MYRIP: variants seen among roughly 807,000 people sequenced by gnomAD.
MYRIP encodes the protein rab effector MyRIP.
A neutral mutation model predicts 98.0 loss-of-function variants in MYRIP; 49 were observed. The observed-to-expected ratio is 0.50, with a 90% CI of 0.40 to 0.63. The LOEUF (loss-of-function observed/expected upper bound fraction) is 0.63, where lower values mean the gene tolerates loss of function less well. Ranked by LOEUF, MYRIP falls within the 30% of genes least tolerant of loss-of-function variation. The pLI, the probability that MYRIP is intolerant of heterozygous loss-of-function variation, is 0.00. For missense variants in MYRIP, 1,004 were observed against 1,058.2 expected (o/e 0.95, Z 0.71); for synonymous variants, 404 against 409.5 (o/e 0.99, Z 0.16).
intron 2 of MYRIP, among the ~76,000 whole-genome samples, chr3:39,914,580 A>G (rs546764310): frequency 6.6e-6 from 1 of 152,206 alleles, no homozygotes; most frequent in South Asian, 2.1e-4. Flanking sequence ...ATTAACTTCT[A>G]ATATCAGTGA....
chr3:39,915,229 C>T lies in MYRIP; in HGVS notation c.110+14303C>T, dbSNP rs372898827. On this transcript the variant is annotated intron_variant, in intron 2 of 16. Coordinates refer to ENST00000302541, the MANE Select transcript of MYRIP (RefSeq NM_015460.4). The stretch of plus-strand genomic sequence containing the variant: ...ATCCATTATACTTATTATCCCCAGT[C>T]ATCTGGTTAGTAAAAAACACAAACT... Among the ~76,000 whole-genome samples the T allele has an allele frequency of 5.3e-5, 8 of 152,016 alleles. No individual in the cohort carries two copies. In the South Asian group the frequency reaches 1.2e-3, roughly 24 times the overall value.
chr3:40,165,562 C>T (rs1878914), intron 5 of MYRIP, among the ~76,000 whole-genome samples: 16,616 of 152,062 alleles, frequency 0.11, 2,074 homozygotes, highest in African/African-American at 0.3. Flanking sequence ...CTAGCCCTTG[C>T]TGACCTACAT....
At chr3:39,881,229 C>A (rs1416012602) in intron 1 of MYRIP, among the ~76,000 whole-genome samples, 1 of 133,686 alleles carries the variant, frequency 7.5e-6, no homozygotes, top group East Asian at 2.1e-4. Context: ...CTTCTGTTAT[C>A]CTGTTTGTTA....
intron 3 of MYRIP, among the ~76,000 whole-genome samples, chr3:40,117,321 A>G (rs753848244): frequency 1.3e-5 from 2 of 152,218 alleles, no homozygotes; most frequent in African/African-American, 2.4e-5. Flanking sequence ...GTGTGATTTC[A>G]TCAAAGCCAT....
chr3:40,084,113 G>A (rs1417936236), intron 3 of MYRIP, among the ~76,000 whole-genome samples: 19 of 117,780 alleles, frequency 1.6e-4, no homozygotes, highest in Admixed American at 9.9e-4. Context: ...CTCCAACCTG[G>A]GCAACAGATC....
chr3:39,869,035 A>G (rs1942707383), intron 1 of MYRIP, among the ~76,000 whole-genome samples: 1 of 152,190 alleles, frequency 6.6e-6, no homozygotes, highest in Non-Finnish European at 1.5e-5. Flanking sequence ...GTGCCTAGGC[A>G]TGGATCTTTT....
rs923134694 is a variant in MYRIP, at chr3:39,979,837, T to C, written c.111-64213T>C. On this transcript the variant is annotated intron_variant, in intron 2 of 16. Coordinates refer to ENST00000302541, the MANE Select transcript of MYRIP (RefSeq NM_015460.4). ...TAAACACAGCCATCACATAAATACTTTGTCACCTTTACACAGCACCAACAT... is the reference window on the plus strand; with the variant it reads ...TAAACACAGCCATCACATAAATACTCTGTCACCTTTACACAGCACCAACAT... Among the ~76,000 whole-genome samples the C allele has an allele frequency of 1.4e-4, 21 of 152,274 alleles. 1 individual carries two copies. The highest frequency in any genetic ancestry group is 1.2e-3 in the Admixed American group (18 of 15,288).
intron 3 of MYRIP, among the ~76,000 whole-genome samples, chr3:40,096,425 A>G (rs1386226840): frequency 1.3e-5 from 2 of 152,228 alleles, no homozygotes; most frequent in Admixed American, 6.5e-5. Flanking sequence ...CTGTGAGGAT[A>G]AAGTCAAATT....
chr3:40,221,570 G>T (rs1271080092), intron 11 of MYRIP, among the ~76,000 whole-genome samples: 1 of 152,190 alleles, frequency 6.6e-6, no homozygotes, highest in Non-Finnish European at 1.5e-5. Context: ...AATGGAGGTT[G>T]CAGTGAGCTG....
At chr3:39,870,816 G>A (rs914200086) in intron 1 of MYRIP, among the ~76,000 whole-genome samples, 2 of 152,238 alleles carry the variant, frequency 1.3e-5, no homozygotes, top group African/African-American at 4.8e-5. Context: ...TTGTGCAAAG[G>A]GAAATGTGAT....
At chr3:39,947,979 A>C (rs2125715327) in intron 2 of MYRIP, among the ~76,000 whole-genome samples, 1 of 152,272 alleles carries the variant, frequency 6.6e-6, no homozygotes. Flanking sequence ...ACTGGCCTGG[A>C]CAGCAAGACT....
At chr3:40,155,105 A>G (rs912052488) in intron 4 of MYRIP, among the ~76,000 whole-genome samples, 2 of 151,318 alleles carry the variant, frequency 1.3e-5, no homozygotes, top group African/African-American at 4.9e-5. Context: ...CTCGTCATCT[A>G]GCATTAGGTA....
At chr3:40,175,812 A>G (rs1408433500) in intron 8 of MYRIP, among the ~76,000 whole-genome samples, 1 of 152,236 alleles carries the variant, frequency 6.6e-6, no homozygotes, top group Non-Finnish European at 1.5e-5. Context: ...ACTTAAGTCC[A>G]ATAGTTAATT....
intron 2 of MYRIP, among the ~76,000 whole-genome samples, chr3:40,010,309 G>A (rs1946733478): frequency 6.6e-6 from 1 of 152,242 alleles, no homozygotes; most frequent in African/African-American, 2.4e-5. Flanking sequence ...GCTGGCCTCT[G>A]AGAGTGGCAG....
chr3:39,943,084 T>C (rs1181115534), intron 2 of MYRIP, among the ~76,000 whole-genome samples: 2 of 152,164 alleles, frequency 1.3e-5, no homozygotes, highest in African/African-American at 4.8e-5. Context: ...TTGTGTTCTC[T>C]AGACTCATCT....
intron 2 of MYRIP, among the ~76,000 whole-genome samples, chr3:40,025,331 T>C (rs1018922829): frequency 6.6e-6 from 1 of 152,196 alleles, no homozygotes; most frequent in African/African-American, 2.4e-5. Context: ...AAATCTGTGG[T>C]ATCAAGGGCT....
chr3:40,190,469 G>A lies in MYRIP; in HGVS notation c.1665+6G>A, dbSNP rs1361969058. ...GGGATCTAGACACACATCAGGTAAT[G>A]GAAGTGCATGCGTGCAAATGCACAC... is the stretch of plus-strand genomic sequence containing the variant. On this transcript the variant is annotated splice_donor_region_variant and intron_variant, in intron 10 of 16. Transcript: ENST00000302541. 1.9e-6 allele frequency: 3 copies of A among 1,571,714 alleles called. No homozygotes were observed. Among genetic ancestry groups the A allele is most frequent in the Admixed American group, 1.8e-5 (1 of 54,904 alleles).
chr3:39,898,375 G>T (rs1943665291), intron 1 of MYRIP, among the ~76,000 whole-genome samples: 1 of 152,154 alleles, frequency 6.6e-6, no homozygotes, highest in Non-Finnish European at 1.5e-5. Context: ...TCTAGCAAAA[G>T]ATTTCTGGGG....
chr3:39,919,693 G>GTGTGT (rs796639053), intron 2 of MYRIP, among the ~76,000 whole-genome samples: 141 of 143,354 alleles, frequency 9.8e-4, no homozygotes, highest in African/African-American at 3.5e-3. Context: ...GGGTATGTGT[G>GTGTGT]GTGTGTGTGT....
Sources: allele counts gnomAD v4.1 joint callset (sites outside exome capture counted in the v4.1 genomes callset), GRCh38; gene constraint gnomAD v4.1.1; transcripts MANE v1.5; gene names NCBI Gene and HGNC (gene_info 2026-07-23, HGNC 2026-07-21).